The following GRAMD1B variants were observed in gnomAD, a reference collection of about 807,000 sequenced individuals.
GRAMD1B encodes protein Aster-B.
GRAMD1B carries 37 observed loss-of-function variants against 99.7 expected under a neutral mutation model. That is an observed-to-expected ratio of 0.37 (90% CI 0.29 to 0.49). The LOEUF is 0.49. Among genes scored for constraint, GRAMD1B ranks in the 20% least tolerant of loss-of-function variants. The probability of loss-of-function intolerance (pLI) is 0.98; values close to 1 mark genes in which losing one functional copy is unlikely to be tolerated. For synonymous variants in GRAMD1B, 427 were observed against 387.6 expected (o/e 1.10, Z -1.19); for missense variants, 888 against 1,009.2 (o/e 0.88, Z 1.63).
At chr11:123,458,468 C>A (rs1257452524) in intron 1 of GRAMD1B, 2 of 152,236 alleles carry the variant, frequency 1.3e-5, no homozygotes, top group Non-Finnish European at 2.9e-5. Context: ...ATGCTGATCT[C>A]TTCTGGCAAC....
chr11:123,477,973 A>G (rs1403730484), intron 1 of GRAMD1B, among the ~76,000 whole-genome samples: 1 of 151,354 alleles, frequency 6.6e-6, no homozygotes, highest in Admixed American at 6.6e-5. Context: ...TATTTTTTTT[A>G]GTAGAGATGA....
At chr11:123,547,806 G>A (rs573965991) in intron 2 of GRAMD1B, among the ~76,000 whole-genome samples, 3 of 152,324 alleles carry the variant, frequency 2.0e-5, no homozygotes, top group South Asian at 4.1e-4. Flanking sequence ...GACATCATCT[G>A]TGGTGGGATT....
In GRAMD1B at chr11:123,584,351, C is replaced by T. The variant is rs1387076320; in HGVS notation, c.684+19C>T. ...GTATAATGTAAGTATTCCTGTTTCC[C>T]TTCTTGTTGGGTACCTGAGAAATGG... On this transcript the variant is annotated intron_variant, in intron 4 of 19. Coordinates refer to ENST00000635736, the MANE Select transcript of GRAMD1B (RefSeq NM_001387025.1). 3.5e-6 allele frequency: 1 copy of T among 289,100 alleles called. No homozygotes were observed. Among genetic ancestry groups the T allele is most frequent in the Non-Finnish European group, 4.7e-6 (1 of 211,640 alleles). 17.9% of individuals were successfully genotyped at this position (289,100 alleles called of 1,614,324 possible). A position where few individuals can be genotyped will look rare whatever the true frequency, so the allele number is the denominator to read the frequency against.
At chr11:123,622,195 A>T (rs1955216895) in intron 19 of GRAMD1B, among the ~76,000 whole-genome samples, 1 of 151,888 alleles carries the variant, frequency 6.6e-6, no homozygotes, top group African/African-American at 2.4e-5. Flanking sequence ...TATAATTTTT[A>T]AATTTTTTAT....
chr11:123,410,724 G>A (rs908495219), intron 1 of GRAMD1B, among the ~76,000 whole-genome samples: 4 of 152,150 alleles, frequency 2.6e-5, no homozygotes, highest in African/African-American at 9.7e-5. Context: ...TGCTGGCAAA[G>A]AGAACTTCCA....
At chr11:123,440,447 T>G (rs934445412) in intron 1 of GRAMD1B, among the ~76,000 whole-genome samples, 16 of 152,248 alleles carry the variant, frequency 1.1e-4, no homozygotes, top group Middle Eastern at 3.4e-3. Flanking sequence ...AAACAGTGGT[T>G]GCAGTGACCC....
intron 1 of GRAMD1B, among the ~76,000 whole-genome samples, chr11:123,359,842 G>T (rs2135665454): frequency 6.6e-6 from 1 of 152,338 alleles, no homozygotes; most frequent in East Asian, 1.9e-4. Context: ...CAAGGACAAA[G>T]AAATTTGTGC....
chr11:123,596,159 G>T, intron 7 of GRAMD1B, 122 bp downstream of exon 7: 1 of 588,696 alleles, frequency 1.7e-6, no homozygotes. Flanking sequence ...AGGCGCTAAG[G>T]GCGATGCAGA....
At chr11:123,548,544 G>C (rs1443052377) in intron 2 of GRAMD1B, among the ~76,000 whole-genome samples, 1 of 151,766 alleles carries the variant, frequency 6.6e-6, no homozygotes, top group Non-Finnish European at 1.5e-5. Flanking sequence ...ACTCCTGATT[G>C]CCCTCTGGAG....
chr11:123,530,972 T>C (rs1419609020), intron 2 of GRAMD1B, among the ~76,000 whole-genome samples: 1 of 152,186 alleles, frequency 6.6e-6, no homozygotes, highest in Non-Finnish European at 1.5e-5. Flanking sequence ...GATTAGTTGG[T>C]CTCTCAGCTT....
chr11:123,612,336 GAGA>G (rs1232971967), intron 14 of GRAMD1B, among the ~76,000 whole-genome samples: 2 of 152,162 alleles, frequency 1.3e-5, no homozygotes, highest in Non-Finnish European at 1.5e-5. Flanking sequence ...AAAGTCTCTG[GAGA>G]AGGAGAGAAT....
At chr11:123,589,603 G>A (rs1950419365) in intron 4 of GRAMD1B, among the ~76,000 whole-genome samples, 1 of 117,884 alleles carries the variant, frequency 8.5e-6, no homozygotes, top group African/African-American at 3.7e-5. Context: ...GCCACCATGT[G>A]TGGCTAATTT....
At chr11:123,568,690 C>T (rs1179156459) in intron 2 of GRAMD1B, among the ~76,000 whole-genome samples, 1 of 152,212 alleles carries the variant, frequency 6.6e-6, no homozygotes, top group Non-Finnish European at 1.5e-5. Context: ...TAAATCTAGG[C>T]CGAAGTGTGG....
At position 123,603,470 on chromosome 11, in the gene GRAMD1B, T is replaced by C. The variant is rs767582053; in HGVS notation, c.1095T>C (p.Tyr365=). The C allele has an allele frequency of 1.8e-5, 29 of 1,613,602 alleles. No individual in the cohort carries two copies. Among genetic ancestry groups the C allele is most frequent in the Non-Finnish European group, 2.2e-5 (26 of 1,179,616 alleles). Residue 365 remains tyrosine (Y), a synonymous_variant, in exon 9 of 20, where the codon TAT becomes TAC. Coordinates refer to ENST00000635736, the MANE Select transcript of GRAMD1B (RefSeq NM_001387025.1). ...TCTGGCACTTTGTTCACCAGTGCTA[T>C]GGGAACGAATTGGGCCTGACCAGTG... ...KELWHFVHQC[Y]GNELGLTSDD...
intron 2 of GRAMD1B, among the ~76,000 whole-genome samples, chr11:123,496,059 C>A (rs1422012576): frequency 6.6e-6 from 1 of 152,036 alleles, no homozygotes; most frequent in African/African-American, 2.4e-5. Flanking sequence ...GAGTTTTCTA[C>A]CTTTAGATGA....
rs1955417118 is a variant in GRAMD1B at position 123,624,987 on chromosome 11, G to A, written c.*2392G>A. On this transcript the variant is annotated 3_prime_UTR_variant, in exon 20 of 20. Coordinates refer to ENST00000635736, the MANE Select transcript of GRAMD1B (RefSeq NM_001387025.1). ...GCGATTTGAACCCACTAGACAATGT[G>A]TGCACATAGGGAATGTCCTTTAAGA... The A allele has an allele frequency of 6.6e-6, 1 of 152,176 alleles. No homozygotes were observed. 9.4% of individuals were successfully genotyped at this position (152,176 alleles called of 1,614,324 possible).
chr11:123,422,995 AT>A (rs1482740074), intron 1 of GRAMD1B, among the ~76,000 whole-genome samples: 1 of 152,144 alleles, frequency 6.6e-6, no homozygotes, highest in East Asian at 1.9e-4. Flanking sequence ...TTTGATAGGC[AT>A]TCAAAAAATA....
intron 1 of GRAMD1B, among the ~76,000 whole-genome samples, chr11:123,436,099 C>T (rs1949149749): frequency 6.6e-6 from 1 of 151,922 alleles, no homozygotes; most frequent in African/African-American, 2.4e-5. Flanking sequence ...CTCGCCACCA[C>T]GCCCAGATAA....
Position 123,557,977 on chromosome 11 carries a change from CTTTTTT to C in GRAMD1B, c.453-19371_453-19366del, listed in dbSNP as rs532091098. 8.2e-3 allele frequency among the ~76,000 whole-genome samples: 815 copies of C among 99,938 alleles called. 8 individuals carry two copies. Among genetic ancestry groups the C allele is most frequent in the African/African-American group, 0.021 (637 of 30,902 alleles). The allele number at this position is 99,938 out of a possible 152,430, so 65.6% of individuals were successfully genotyped here. Reference sequence around the variant, plus strand: ...ATGGAGGAAAGGACATTCAGTGCAACTTTTTTTTTTTTTTTTTTTTTTTTAATGCAG... The same window carrying C: ...ATGGAGGAAAGGACATTCAGTGCAACTTTTTTTTTTTTTTTTTTAATGCAG... On this transcript the variant is annotated intron_variant, in intron 2 of 19. Transcript: ENST00000635736.
Sources: allele counts gnomAD v4.1 joint callset (sites outside exome capture counted in the v4.1 genomes callset), GRCh38; gene constraint gnomAD v4.1.1; transcripts MANE v1.5; gene names NCBI Gene and HGNC (gene_info 2026-07-23, HGNC 2026-07-21).